GRID2: variants seen among roughly 807,000 people sequenced by gnomAD.
GRID2 encodes glutamate ionotropic receptor delta type subunit 2, also known as glutamate receptor ionotropic, delta-2.
GRID2 carries 33 observed loss-of-function variants against 114.8 expected under a neutral mutation model. The observed-to-expected ratio is 0.29, with a 90% CI of 0.22 to 0.38. The LOEUF (loss-of-function observed/expected upper bound fraction) is 0.38. Among genes scored for constraint, GRID2 ranks in the 10% least tolerant of loss-of-function variants. The pLI, the probability that GRID2 is intolerant of heterozygous loss-of-function variation, is 1.00. For missense variants in GRID2, 1,184 were observed against 1,257.7 expected (o/e 0.94, Z 0.89); for synonymous variants, 505 against 449.9 (o/e 1.12, Z -1.55).
chr4:93,612,351 A>G (rs1200122960), intron 13 of GRID2, among the ~76,000 whole-genome samples: 1 of 150,104 alleles, frequency 6.7e-6, no homozygotes, highest in Admixed American at 6.6e-5. Context: ...TGATCCTGTC[A>G]TTATGATGTT....
chr4:93,772,180 G>C lies in GRID2; in HGVS notation c.2706G>C (p.Leu902Phe), dbSNP rs1734161517. The C allele has an allele frequency of 6.2e-7, 1 of 1,613,802 alleles. No individual in the cohort carries two copies. Among genetic ancestry groups the C allele is most frequent in the Non-Finnish European group, 8.5e-7 (1 of 1,179,812 alleles). The stretch of plus-strand genomic sequence containing the variant: ...AGTTTTCCACCTCGTCAATTGATTT[G>C]ACCCCTCTGGACATTGACACTTTGC... ...HKQFSTSSID[L>F]TPLDIDTLPT... The change falls in exon 16 of 16, where the codon TTG becomes TTC. Residue 902 changes from leucine to phenylalanine, a missense_variant. Leu to Phe is a conservative substitution (Grantham distance 22). Around this residue, in one of 3 missense-constraint regions of GRID2, gnomAD observed 717 missense variants for 796.9 expected, o/e 0.90. Transcript: ENST00000282020.
At chr4:93,557,734 A>G (rs957299953) in intron 13 of GRID2, among the ~76,000 whole-genome samples, 5 of 152,228 alleles carry the variant, frequency 3.3e-5, no homozygotes, top group Admixed American at 2.6e-4. Context: ...TGGACCAAGC[A>G]GACCTAATAG....
Position 93,665,088 on chromosome 4 carries a change from A to G in GRID2, c.2360+38653A>G, listed in dbSNP as rs545702495. Among the ~76,000 whole-genome samples the G allele has an allele frequency of 3.0e-4, 45 of 152,272 alleles. No individual in the cohort carries two copies. The South Asian group carries it at 8.7e-3, about 29-fold the overall frequency. ...ACTTAAGAAAGGGGATCCCCATTGC[A>G]TACCATCCAGTTTCAACTTGTCTTT... On this transcript the variant is annotated intron_variant, in intron 14 of 15. Transcript: ENST00000282020.
At chr4:93,586,341 C>T (rs1373386693) in intron 13 of GRID2, among the ~76,000 whole-genome samples, 1 of 152,048 alleles carries the variant, frequency 6.6e-6, no homozygotes, top group Non-Finnish European at 1.5e-5. Context: ...CACCTTATCT[C>T]CAATTCTTCT....
chr4:92,331,451 G>A (rs1185818401), intron 1 of GRID2, among the ~76,000 whole-genome samples: 2 of 152,138 alleles, frequency 1.3e-5, no homozygotes, highest in Non-Finnish European at 2.9e-5. Context: ...ATATTTTGCT[G>A]CTCCCATGAG....
At chr4:92,478,587 G>A (rs1423822091) in intron 1 of GRID2, among the ~76,000 whole-genome samples, 3 of 151,932 alleles carry the variant, frequency 2.0e-5, no homozygotes, top group Non-Finnish European at 4.4e-5. Flanking sequence ...TTTTTTAATG[G>A]CCATTGAAAA....
intron 4 of GRID2, among the ~76,000 whole-genome samples, chr4:93,176,666 G>A (rs985136160): frequency 6.6e-6 from 1 of 152,034 alleles, no homozygotes; most frequent in South Asian, 2.1e-4. Flanking sequence ...ATGCTTTTCT[G>A]AGACCATTGT....
At chr4:93,104,859 T>C (rs954725007) in intron 3 of GRID2, among the ~76,000 whole-genome samples, 1 of 152,056 alleles carries the variant, frequency 6.6e-6, no homozygotes, top group African/African-American at 2.4e-5. Flanking sequence ...TATTTCTAGT[T>C]CTAGATCCCT....
intron 10 of GRID2, among the ~76,000 whole-genome samples, chr4:93,453,462 A>G (rs1390097212): frequency 6.6e-6 from 1 of 152,120 alleles, no homozygotes; most frequent in Non-Finnish European, 1.5e-5. Context: ...AATGTTGAAA[A>G]TAGACCAGAA....
rs531226367 is a variant in GRID2 at position 92,920,667 on chromosome 4, A to G, written c.245-164328A>G. Among the ~76,000 whole-genome samples the G allele has an allele frequency of 2.7e-4, 41 of 152,304 alleles. 1 individual carries two copies. The South Asian group carries it at 4.6e-3, about 17-fold the overall frequency. On this transcript the variant is annotated intron_variant, in intron 2 of 15. Coordinates refer to ENST00000282020, the MANE Select transcript of GRID2 (RefSeq NM_001510.4). ...AAATTCTTTTCTTTAAGAATGTTGA[A>G]TATTGGCCCCCACTCTCTTCTGGCT...
At chr4:92,337,379 CT>C (rs768953151) in intron 1 of GRID2, among the ~76,000 whole-genome samples, 19 of 152,174 alleles carry the variant, frequency 1.2e-4, no homozygotes, top group Non-Finnish European at 2.6e-4. Flanking sequence ...CTTAAGTTCT[CT>C]ACAAGCAGAG....
chr4:92,657,305 T>C (rs1732290080), intron 2 of GRID2, among the ~76,000 whole-genome samples: 1 of 151,696 alleles, frequency 6.6e-6, no homozygotes, highest in Non-Finnish European at 1.5e-5. Context: ...GTCACTTTAC[T>C]TTCTTTATTA....
In GRID2 at chr4:92,663,149, C is replaced by T. The variant is rs183397700; in HGVS notation, c.244+72863C>T. ...CTCAGCCTTGATACAAGTGAAGTGA[C>T]TTGATACTCTAAAAAGAAACACCAG... On this transcript the variant is annotated intron_variant, in intron 2 of 15. Transcript: ENST00000282020. Among the ~76,000 whole-genome samples the T allele has an allele frequency of 1.6e-3, 246 of 151,084 alleles. 1 individual carries two copies. The highest frequency in any genetic ancestry group is 5.8e-3 in the African/African-American group (242 of 41,404).
chr4:92,510,950 G>C (rs1036766925), intron 1 of GRID2, among the ~76,000 whole-genome samples: 3 of 151,406 alleles, frequency 2.0e-5, no homozygotes, highest in African/African-American at 7.3e-5. Context: ...TAGAAGTCAA[G>C]TAAATAACAT....
At chr4:92,955,920 C>T (rs992918063) in intron 2 of GRID2, among the ~76,000 whole-genome samples, 8 of 152,080 alleles carry the variant, frequency 5.3e-5, no homozygotes, top group East Asian at 1.9e-4. Context: ...AGGATTTCAC[C>T]GTGTTAGCCA....
chr4:93,332,716 G>T (rs1320594978), intron 8 of GRID2, among the ~76,000 whole-genome samples: 1 of 152,060 alleles, frequency 6.6e-6, no homozygotes, highest in Non-Finnish European at 1.5e-5. Flanking sequence ...CTTGGGTACA[G>T]ACTCTTTCCA....
chr4:93,761,513 C>T (rs2110311799), intron 14 of GRID2, among the ~76,000 whole-genome samples: 1 of 152,250 alleles, frequency 6.6e-6, no homozygotes, highest in East Asian at 1.9e-4. Context: ...TGATGGACAC[C>T]ATATGGGCCA....
chr4:93,244,964 G>T (rs1056174790), intron 8 of GRID2, among the ~76,000 whole-genome samples: 1 of 151,712 alleles, frequency 6.6e-6, no homozygotes, highest in African/African-American at 2.4e-5. Flanking sequence ...TGGAAAATCT[G>T]CCATAGTTAT....
At chr4:92,943,501 TA>T (rs748483577) in intron 2 of GRID2, among the ~76,000 whole-genome samples, 11 of 152,188 alleles carry the variant, frequency 7.2e-5, no homozygotes, top group Admixed American at 6.5e-5. Context: ...TCAAGGTTTT[TA>T]ACTTCTTTGC....
Sources: gnomAD v4.1 joint callset for allele counts (sites outside exome capture counted in the v4.1 genomes callset) on GRCh38, gnomAD v4.1.1 for gene constraint, gnomAD v4.1.1 regional missense constraint, MANE v1.5 for transcripts, NCBI Gene and HGNC (gene_info 2026-07-23, HGNC 2026-07-21) for gene names.